Variants in FAM13A observed in about 807,000 individuals in gnomAD.
FAM13A encodes the protein family with sequence similarity 13 member A.
Under a neutral mutation model 129.6 loss-of-function variants are expected in FAM13A, and 76 were observed. That is an observed-to-expected ratio of 0.59 (90% CI 0.49 to 0.71). The LOEUF (loss-of-function observed/expected upper bound fraction) is 0.71. FAM13A is among the 30% of genes least tolerant of loss of function. The pLI, the probability that FAM13A is intolerant of heterozygous loss-of-function variation, is 0.00. For synonymous variants in FAM13A, 443 were observed against 449.9 expected, an observed-to-expected ratio of 0.98 and a Z score of 0.20; for missense variants, 1,108 against 1,249.3, an observed-to-expected ratio of 0.89 and a Z score of 1.70.
intron 6 of FAM13A, among the ~76,000 whole-genome samples, chr4:88,871,509 C>T (rs958842124): frequency 2.0e-5 from 3 of 152,250 alleles, no homozygotes; most frequent in Non-Finnish European, 4.4e-5. Context: ...GCACAAGCTT[C>T]AGTAGCCGAT....
intron 4 of FAM13A, among the ~76,000 whole-genome samples, chr4:88,986,286 A>C (rs1350507419): frequency 6.6e-6 from 1 of 152,124 alleles, no homozygotes; most frequent in Non-Finnish European, 1.5e-5. Context: ...GGCATCTGCC[A>C]CCACACCTGG....
chr4:88,730,794 C>G (rs879049894), intron 23 of FAM13A, among the ~76,000 whole-genome samples: 1 of 152,146 alleles, frequency 6.6e-6, no homozygotes, highest in South Asian at 2.1e-4. Flanking sequence ...CTCTCTTTCC[C>G]TTGTTTCTCT....
chr4:89,008,078 G>A (rs74539121), intron 3 of FAM13A, among the ~76,000 whole-genome samples: 1 of 7,822 alleles, frequency 1.3e-4, no homozygotes, highest in Non-Finnish European at 2.7e-4. Flanking sequence ...AGATCTGTCG[G>A]AGATCAATGC....
Position 88,739,191 on chromosome 4 carries a change from T to A in FAM13A, c.2467-66A>T, listed in dbSNP as rs569685131. 4 of 1,045,756 alleles carry A rather than the reference T, an allele frequency of 3.8e-6. No individual in the cohort carries two copies. The Admixed American group carries it at 6.8e-5, about 18-fold the overall frequency. 64.8% of individuals were successfully genotyped at this position (1,045,756 alleles called of 1,614,324 possible). The stretch of plus-strand genomic sequence containing the variant: ...GGAGTCACAACCAGCTGTCTAAGCA[T>A]GCTCTGGGCCTTTGTAATTCTAGAG... On this transcript the variant is annotated intron_variant, in intron 19 of 23. Transcript: ENST00000264344.
At chr4:88,933,605 C>A (rs1297261470) in intron 5 of FAM13A, among the ~76,000 whole-genome samples, 1 of 151,168 alleles carries the variant, frequency 6.6e-6, no homozygotes, top group East Asian at 1.9e-4. Context: ...CTTGCTTGCT[C>A]ATCTACTTCT....
chr4:88,962,194 G>A (rs1017152713), intron 4 of FAM13A, among the ~76,000 whole-genome samples: 1 of 151,820 alleles, frequency 6.6e-6, no homozygotes, highest in East Asian at 1.9e-4. Context: ...AAATGTCACA[G>A]AGGATATTTG....
chr4:89,037,743 G>C (rs1056617325), intron 1 of FAM13A, among the ~76,000 whole-genome samples: 1 of 152,136 alleles, frequency 6.6e-6, no homozygotes, highest in Admixed American at 6.5e-5. Context: ...TAATTAGACT[G>C]GGGGGTGGAT....
At chr4:89,036,275 G>C (rs1769378370) in intron 1 of FAM13A, among the ~76,000 whole-genome samples, 1 of 152,196 alleles carries the variant, frequency 6.6e-6, no homozygotes, top group African/African-American at 2.4e-5. Flanking sequence ...GGTTACTCTT[G>C]TTATGCTTTA....
At chr4:88,887,657 A>G (rs753847111) in intron 6 of FAM13A, among the ~76,000 whole-genome samples, 6 of 151,732 alleles carry the variant, frequency 4.0e-5, no homozygotes, top group Non-Finnish European at 5.9e-5. Context: ...TAGCCTCCCA[A>G]ATAGCTGGGA....
chr4:88,993,835 C>T (rs980815059), intron 3 of FAM13A, among the ~76,000 whole-genome samples: 11 of 151,996 alleles, frequency 7.2e-5, no homozygotes, highest in Non-Finnish European at 1.5e-4. Flanking sequence ...CCTGTCTCTA[C>T]TAAAAATAAC....
chr4:88,763,480 C>A (rs906624450), intron 13 of FAM13A, among the ~76,000 whole-genome samples: 11 of 152,136 alleles, frequency 7.2e-5, no homozygotes, highest in African/African-American at 2.4e-4. Flanking sequence ...GAAGAGAGCT[C>A]ATCTCTCCCG....
intron 8 of FAM13A, among the ~76,000 whole-genome samples, chr4:88,801,925 T>G (rs1366813410): frequency 2.0e-5 from 3 of 151,832 alleles, no homozygotes; most frequent in African/African-American, 7.3e-5. Context: ...AACTCAGGCT[T>G]GCAGACACTG....
intron 8 of FAM13A, among the ~76,000 whole-genome samples, chr4:88,796,868 G>A (rs1726290091): frequency 6.6e-6 from 1 of 151,836 alleles, no homozygotes; most frequent in African/African-American, 2.4e-5. Flanking sequence ...ATCTTTTGAA[G>A]GCATTCTGAA....
At chr4:88,731,272 T>TG (rs1737698109) in intron 23 of FAM13A, 55 bp downstream of exon 23, 1 of 629,430 alleles carries the variant, frequency 1.6e-6, no homozygotes, top group Non-Finnish European at 2.4e-6. Context: ...ACAAGAGGGA[T>TG]GGGTGTGTGT....
intron 6 of FAM13A, among the ~76,000 whole-genome samples, chr4:88,871,860 G>A (rs535035153): frequency 1.3e-5 from 2 of 152,276 alleles, no homozygotes; most frequent in South Asian, 2.1e-4. Flanking sequence ...CACCAAGGTT[G>A]AAATGAATGA....
At chr4:88,841,793 G>C (rs1442239559) in intron 7 of FAM13A, among the ~76,000 whole-genome samples, 1 of 152,122 alleles carries the variant, frequency 6.6e-6, no homozygotes, top group South Asian at 2.1e-4. Flanking sequence ...AGTGAAACTG[G>C]AACCATCAAA....
rs1742173669 is a variant in FAM13A, at chr4:88,749,787, T to C, written c.2063A>G (p.Glu688Gly). The change falls in exon 16 of 24, where the codon GAA becomes GGA. Residue 688 changes from glutamate to glycine, a missense_variant. By Grantham distance (98) the Glu-to-Gly change is moderately conservative. Coordinates refer to ENST00000264344, the MANE Select transcript of FAM13A (RefSeq NM_014883.4). ...GACACTTACTCTGTACTTCTTCTCT[T>C]CTTCGAATCTATCTTCAAACTTCCG... ...KIRKFEDRFE[E>G]EKKYRPSHSD... is the part of the protein sequence containing the mutation. The C allele has an allele frequency of 6.2e-7, 1 of 1,614,174 alleles. No homozygotes were observed. Among genetic ancestry groups the C allele is most frequent in the Admixed American group, 1.7e-5 (1 of 60,028 alleles).
intron 21 of FAM13A, 109 bp downstream of exon 21, chr4:88,737,363 G>A: frequency 1.1e-6 from 1 of 876,298 alleles, no homozygotes; most frequent in Non-Finnish European, 1.9e-6. Flanking sequence ...GCTGTAAGAA[G>A]CCACCACCAA....
At chr4:88,830,984 CTTTTTTT>C (rs58415960) in intron 7 of FAM13A, among the ~76,000 whole-genome samples, 1 of 143,530 alleles carries the variant, frequency 7.0e-6, no homozygotes, top group African/African-American at 2.5e-5. Flanking sequence ...CATGTGGATG[CTTTTTTT>C]TTTTTAAGTG....
Sources: gnomAD v4.1 joint callset for allele counts (sites outside exome capture counted in the v4.1 genomes callset) on GRCh38, gnomAD v4.1.1 for gene constraint, MANE v1.5 for transcripts, NCBI Gene and HGNC (gene_info 2026-07-23, HGNC 2026-07-21) for gene names.